CDC27: variants seen among roughly 807,000 people sequenced by gnomAD.
CDC27 encodes cell division cycle protein 27 homolog.
A neutral mutation model predicts 109.7 loss-of-function variants in CDC27; 27 were observed. The observed-to-expected ratio is 0.25, with a 90% CI of 0.18 to 0.34. The LOEUF (loss-of-function observed/expected upper bound fraction) is 0.34, where lower values mean the gene tolerates loss of function less well. Among genes scored for constraint, CDC27 ranks in the 10% least tolerant of loss-of-function variants. The probability of loss-of-function intolerance (pLI) is 1.00; values close to 1 mark genes in which losing one functional copy is unlikely to be tolerated. For synonymous variants in CDC27, 266 were observed against 333.9 expected (o/e 0.80, Z 2.22); for missense variants, 579 against 960.2 (o/e 0.60, Z 5.25).
At chr17:47,149,088 AAAAAAAAAG>A (rs1186051529) in intron 9 of CDC27, among the ~76,000 whole-genome samples, 5 of 151,550 alleles carry the variant, frequency 3.3e-5, no homozygotes, top group Non-Finnish European at 4.4e-5. Context: ...AAAAAAAAAA[AAAAAAAAAG>A]AAAAAGAAAG....
intron 10 of CDC27, among the ~76,000 whole-genome samples, chr17:47,143,155 G>T (rs559800572): frequency 6.6e-5 from 10 of 151,388 alleles, no homozygotes; most frequent in Non-Finnish European, 1.5e-4. Flanking sequence ...TCAGAGATGG[G>T]GTCTTGCTAT....
chr17:47,123,402 C>CCTT (rs1568357940), intron 17 of CDC27, among the ~76,000 whole-genome samples: 2 of 123,004 alleles, frequency 1.6e-5, no homozygotes, highest in Non-Finnish European at 1.7e-5. Flanking sequence ...TTTTTTTCTA[C>CCTT]TTTTTTTTTT....
chr17:47,177,296 A>T (rs221607), intron 2 of CDC27, among the ~76,000 whole-genome samples: 1 of 151,936 alleles, frequency 6.6e-6, no homozygotes, highest in South Asian at 2.1e-4. Flanking sequence ...AAAAATAAAG[A>T]CCGGATACAG....
intron 2 of CDC27, among the ~76,000 whole-genome samples, chr17:47,176,535 CTTAGTG>C (rs2064015343): frequency 6.6e-6 from 1 of 152,068 alleles, no homozygotes; most frequent in Non-Finnish European, 1.5e-5. Flanking sequence ...TAAAAGGCTC[CTTAGTG>C]TTTGAGGCAG....
rs2061965180 is a variant in CDC27, at chr17:47,120,862, T to G, written c.*73A>C. On this transcript the variant is annotated 3_prime_UTR_variant, in exon 19 of 19. Coordinates refer to ENST00000066544, the MANE Select transcript of CDC27 (RefSeq NM_001256.6). ...ACACCGCCAGCTCAAGAGTAAAGAC[T>G]CAGTATACAGAGGGACAAGAAACAC... 3 of 1,059,420 alleles carry G rather than the reference T, an allele frequency of 2.8e-6. No homozygotes were observed. The highest frequency in any genetic ancestry group is 2.9e-6 in the Non-Finnish European group (2 of 689,798). 65.6% of individuals were successfully genotyped at this position (1,059,420 alleles called of 1,614,324 possible).
intron 4 of CDC27, among the ~76,000 whole-genome samples, chr17:47,164,372 T>C (rs67551364): frequency 0.082 from 12,542 of 152,264 alleles, 593 homozygotes; most frequent in African/African-American, 0.12. Context: ...AACTTAATTT[T>C]TTTAAACTTT....
intron 2 of CDC27, among the ~76,000 whole-genome samples, chr17:47,176,523 T>G (rs1290216634): frequency 6.6e-6 from 1 of 152,148 alleles, no homozygotes; most frequent in Non-Finnish European, 1.5e-5. Context: ...TGGAAGAAGT[T>G]TTAAAAGGCT....
At chr17:47,166,424 C>T (rs2063649061) in intron 4 of CDC27, among the ~76,000 whole-genome samples, 1 of 152,150 alleles carries the variant, frequency 6.6e-6, no homozygotes, top group African/African-American at 2.4e-5. Context: ...CATACACATC[C>T]TTTCACTGTC....
chr17:47,127,918 C>G (rs1301389191), intron 16 of CDC27, among the ~76,000 whole-genome samples: 3 of 151,996 alleles, frequency 2.0e-5, no homozygotes, highest in Non-Finnish European at 4.4e-5. Context: ...GTTGCCCAGG[C>G]TGGTCTCAAG....
chr17:47,149,462 G>A (rs2063084285), intron 9 of CDC27, among the ~76,000 whole-genome samples: 1 of 144,024 alleles, frequency 6.9e-6, no homozygotes, highest in South Asian at 2.2e-4. Context: ...AGTGAGCCGA[G>A]ATCGTGCCAC....
At chr17:47,147,158 T>C (rs1292840503) in intron 9 of CDC27, among the ~76,000 whole-genome samples, 1 of 151,868 alleles carries the variant, frequency 6.6e-6, no homozygotes, top group Non-Finnish European at 1.5e-5. Context: ...CCCAGCACTT[T>C]GGGAGGCCGA....
chr17:47,124,711 T>A (rs1388355701), intron 16 of CDC27, among the ~76,000 whole-genome samples: 1 of 152,208 alleles, frequency 6.6e-6, no homozygotes, highest in Non-Finnish European at 1.5e-5. Context: ...CTCACATCTA[T>A]CTGCTTCTCC....
chr17:47,169,586 A>G (rs1302035663), intron 4 of CDC27, among the ~76,000 whole-genome samples: 2 of 151,238 alleles, frequency 1.3e-5, no homozygotes, highest in Non-Finnish European at 2.9e-5. Context: ...TGGAGGTTGC[A>G]GTGAACTGAG....
Position 47,120,875 on chromosome 17 carries a change from G to A in CDC27, c.*60C>T. 8.3e-7 allele frequency: 1 copy of A among 1,209,990 alleles called. No homozygotes were observed. Among genetic ancestry groups the A allele is most frequent in the Non-Finnish European group, 1.2e-6 (1 of 821,382 alleles). The allele number at this position is 1,209,990 out of a possible 1,614,324, so 75.0% of individuals were successfully genotyped here. On this transcript the variant is annotated 3_prime_UTR_variant, in exon 19 of 19. Transcript: ENST00000066544. ...AAGAGTAAAGACTCAGTATACAGAGGGACAAGAAACACGTCAGCACTAGTC... is the reference window on the plus strand; with the variant it reads ...AAGAGTAAAGACTCAGTATACAGAGAGACAAGAAACACGTCAGCACTAGTC...
chr17:47,142,043 A>T lies in CDC27; in HGVS notation c.1379-18T>A. Reference sequence around the variant, plus strand: ...CAAACCTTCTAGGAGAAAACAACATAGTAAACAAAGGAAAAAACGCAATAA... The same window carrying T: ...CAAACCTTCTAGGAGAAAACAACATTGTAAACAAAGGAAAAAACGCAATAA... On this transcript the variant is annotated intron_variant, in intron 11 of 18. Coordinates refer to ENST00000066544, the MANE Select transcript of CDC27 (RefSeq NM_001256.6). 1 of 1,549,910 alleles carries T rather than the reference A, an allele frequency of 6.5e-7. No individual in the cohort carries two copies. Among genetic ancestry groups the T allele is most frequent in the Middle Eastern group, 1.7e-4 (1 of 5,808 alleles).
Position 47,156,964 on chromosome 17 carries a change from GT to G in CDC27, c.790del (p.Thr264LeufsTer6). The G allele has an allele frequency of 2.5e-6, 4 of 1,578,666 alleles. No homozygotes were observed. The highest frequency in any genetic ancestry group is 1.7e-5 in the Admixed American group (1 of 57,278). On this transcript the variant is annotated frameshift_variant, in exon 7 of 19. Transcript: ENST00000066544. LOFTEE classifies it high-confidence loss of function. ...LSKQVQNKPK[T>X]GRSLLGGPAA... ...TGGTCCTCCTAATAAACTTCGACCA[GT>G]TTTTGGTTTATTTTGAACCTGTTTA...
chr17:47,151,893 C>A lies in CDC27; in HGVS notation c.983G>T (p.Gly328Val). The change falls in exon 9 of 19, where the codon GGA becomes GTA. Residue 328 changes from glycine (G) to valine (V), a missense_variant. Coordinates refer to ENST00000066544, the MANE Select transcript of CDC27 (RefSeq NM_001256.6). Reference sequence around the variant, plus strand: ...ACTCTGTGAGAAGACAGACTTTGTTCCAGTTTGGCCGATTCTGGCAACAGA... The same window carrying A: ...ACTCTGTGAGAAGACAGACTTTGTTACAGTTTGGCCGATTCTGGCAACAGA... ...KKSVARIGQT[G>V]TKSVFSQSGN... The A allele has an allele frequency of 6.2e-7, 1 of 1,606,164 alleles. No individual in the cohort carries two copies. The highest frequency in any genetic ancestry group is 1.1e-5 in the South Asian group (1 of 88,798).
intron 2 of CDC27, among the ~76,000 whole-genome samples, chr17:47,173,358 T>G (rs1393458986): frequency 1.3e-5 from 2 of 150,994 alleles, no homozygotes; most frequent in Non-Finnish European, 2.9e-5. Flanking sequence ...TATAGTAGTA[T>G]TAGTGCTGCA....
intron 7 of CDC27, among the ~76,000 whole-genome samples, chr17:47,155,184 G>A (rs1460928033): frequency 6.6e-6 from 1 of 152,084 alleles, no homozygotes; most frequent in Non-Finnish European, 1.5e-5. Context: ...GTAATCTCAT[G>A]GTCATGCTAT....
Sources: allele counts gnomAD v4.1 joint callset (sites outside exome capture counted in the v4.1 genomes callset), GRCh38; gene constraint gnomAD v4.1.1; transcripts MANE v1.5; gene names NCBI Gene and HGNC (gene_info 2026-07-23, HGNC 2026-07-21).